Variants in ATXN7L1 observed in about 807,000 individuals in gnomAD.
The protein encoded by ATXN7L1 is ataxin 7 like 1, also known as ataxin-7-like protein 1.
A neutral mutation model predicts 70.8 loss-of-function variants in ATXN7L1; 15 were observed. The ratio of observed to expected loss-of-function variants is 0.21; its 90% CI spans 0.14 to 0.33. The LOEUF is 0.33. Among genes scored for constraint, ATXN7L1 ranks in the 10% least tolerant of loss-of-function variants. The pLI, the probability that ATXN7L1 is intolerant of heterozygous loss-of-function variation, is 1.00. For synonymous variants in ATXN7L1, 440 were observed against 445.1 expected (o/e 0.99, Z 0.14); for missense variants, 975 against 1,097.1 (o/e 0.89, Z 1.57).
chr7:105,740,768 C>CTTTTTTTTTT (rs1563055385), intron 3 of ATXN7L1, among the ~76,000 whole-genome samples: 3 of 98,306 alleles, frequency 3.1e-5, no homozygotes, highest in East Asian at 1.2e-3. Flanking sequence ...TGGCTCCATT[C>CTTTTTTTTTT]ATTTTTTTTT....
intron 2 of ATXN7L1, among the ~76,000 whole-genome samples, chr7:105,816,376 T>C (rs1346458939): frequency 6.6e-6 from 1 of 152,178 alleles, no homozygotes; most frequent in Non-Finnish European, 1.5e-5. Context: ...GCCTTGAAAC[T>C]GAAATTTTTA....
chr7:105,811,587 C>T (rs2116541281), intron 2 of ATXN7L1, among the ~76,000 whole-genome samples: 1 of 152,272 alleles, frequency 6.6e-6, no homozygotes, highest in South Asian at 2.1e-4. Context: ...AGGAGAAAAG[C>T]CCAGGCTGCT....
intron 3 of ATXN7L1, among the ~76,000 whole-genome samples, chr7:105,700,508 C>CA (rs1186998293): frequency 0.011 from 559 of 49,666 alleles, 12 homozygotes; most frequent in Middle Eastern, 0.027. Context: ...GACTCTGTCT[C>CA]AAAAAAAAAA....
At chr7:105,642,234 C>T (rs1180138211) in intron 5 of ATXN7L1, among the ~76,000 whole-genome samples, 1 of 152,210 alleles carries the variant, frequency 6.6e-6, no homozygotes, top group Non-Finnish European at 1.5e-5. Flanking sequence ...AAGGAGTAGA[C>T]CCACAAGAGA....
chr7:105,813,700 GT>G (rs577299544), intron 2 of ATXN7L1, among the ~76,000 whole-genome samples: 1 of 151,916 alleles, frequency 6.6e-6, no homozygotes, highest in Admixed American at 6.6e-5. Context: ...CTGAAATTAA[GT>G]TTTTTTTCCT....
intron 3 of ATXN7L1, among the ~76,000 whole-genome samples, chr7:105,709,941 T>C (rs1377798471): frequency 2.0e-5 from 3 of 152,104 alleles, no homozygotes; most frequent in Non-Finnish European, 4.4e-5. Flanking sequence ...GGTGCAATTA[T>C]AGTTCACTGC....
chr7:105,803,068 G>T (rs964444083), intron 2 of ATXN7L1, among the ~76,000 whole-genome samples: 1 of 152,226 alleles, frequency 6.6e-6, no homozygotes, highest in African/African-American at 2.4e-5. Flanking sequence ...GGTAAACTTA[G>T]ACTTTGTCCC....
At chr7:105,678,861 G>A (rs946971982) in intron 3 of ATXN7L1, among the ~76,000 whole-genome samples, 7 of 152,092 alleles carry the variant, frequency 4.6e-5, no homozygotes, top group African/African-American at 1.7e-4. Flanking sequence ...TACTCTCCCC[G>A]CTCCCCGCCT....
intron 3 of ATXN7L1, among the ~76,000 whole-genome samples, chr7:105,690,295 G>A (rs1790599566): frequency 6.6e-6 from 1 of 152,060 alleles, no homozygotes; most frequent in Admixed American, 6.5e-5. Context: ...ATGAGCCACC[G>A]CGCCCAGCAA....
chr7:105,818,125 A>C (rs1809471008), intron 2 of ATXN7L1, among the ~76,000 whole-genome samples: 1 of 152,230 alleles, frequency 6.6e-6, no homozygotes, highest in African/African-American at 2.4e-5. Context: ...CAGACTCTCA[A>C]TGTAACAAGC....
intron 3 of ATXN7L1, among the ~76,000 whole-genome samples, chr7:105,778,741 A>G (rs187108788): frequency 3.3e-4 from 50 of 152,308 alleles, no homozygotes; most frequent in Non-Finnish European, 5.9e-4. Flanking sequence ...GATAAACAAG[A>G]AACTACAGGT....
In ATXN7L1 at chr7:105,642,962, C is replaced by A; in HGVS notation, c.738G>T (p.Met246Ile). 1 of 1,551,734 alleles carries A rather than the reference C, an allele frequency of 6.4e-7. No individual in the cohort carries two copies. Among genetic ancestry groups the A allele is most frequent in the Non-Finnish European group, 8.7e-7 (1 of 1,147,018 alleles). Residue 246 changes from methionine to isoleucine, a missense_variant, in exon 5 of 12, where the codon ATG (methionine) becomes ATT (isoleucine). Transcript: ENST00000419735. ...STPPLIKPVL[M>I]SKSVPPSPEK... ...CTGGTGAAGGTGGCACTGACTTGGA[C>A]ATCAGGACAGGCTTAATTAAAGGAG...
At chr7:105,715,269 C>T (rs1301028309) in intron 3 of ATXN7L1, among the ~76,000 whole-genome samples, 2 of 152,212 alleles carry the variant, frequency 1.3e-5, no homozygotes, top group East Asian at 3.8e-4. Context: ...TTCTCTGAGC[C>T]TCACCTTCCT....
intron 2 of ATXN7L1, among the ~76,000 whole-genome samples, chr7:105,790,246 C>T (rs1193450707): frequency 2.6e-5 from 4 of 152,154 alleles, no homozygotes; most frequent in Admixed American, 2.6e-4. Context: ...AGTCACATAA[C>T]TCTGAGAACA....
At chr7:105,627,723 G>A (rs952240506) in intron 7 of ATXN7L1, among the ~76,000 whole-genome samples, 5 of 151,702 alleles carry the variant, frequency 3.3e-5, no homozygotes, top group Admixed American at 3.3e-4. Flanking sequence ...GTAGAGACGG[G>A]GTTTCACCAT....
Position 105,610,456 on chromosome 7 carries a change from C to T in ATXN7L1, c.2547+73G>A, listed in dbSNP as rs963289529. On this transcript the variant is annotated intron_variant, in intron 11 of 11. Coordinates refer to ENST00000419735, the MANE Select transcript of ATXN7L1 (RefSeq NM_020725.2). ...TGAGGTTTGAATCAGGGTCTGACCCCAGTGTCCAAACTCTTTCCACTCTGC... is the reference window on the plus strand; with the variant it reads ...TGAGGTTTGAATCAGGGTCTGACCCTAGTGTCCAAACTCTTTCCACTCTGC... 134 of 1,352,642 alleles carry T rather than the reference C, an allele frequency of 9.9e-5. 2 individuals carry two copies. The highest frequency in any genetic ancestry group is 1.2e-4 in the Non-Finnish European group (120 of 977,238). The allele number at this position is 1,352,642 out of a possible 1,614,324, so 83.8% of individuals were successfully genotyped here. A position where few individuals can be genotyped will look rare whatever the true frequency, so the allele number is the denominator to read the frequency against.
At chr7:105,623,966 A>G in intron 8 of ATXN7L1, 109 bp downstream of exon 8, 1 of 1,045,636 alleles carries the variant, frequency 9.6e-7, no homozygotes, top group Non-Finnish European at 1.2e-6. Flanking sequence ...TTTGTAAAAC[A>G]CTGCGCAGGC....
chr7:105,849,180 G>A (rs1354065169), intron 2 of ATXN7L1, among the ~76,000 whole-genome samples: 1 of 152,220 alleles, frequency 6.6e-6, no homozygotes, highest in African/African-American at 2.4e-5. Context: ...GAGAGGAGAT[G>A]GACAATCTCA....
chr7:105,652,996 T>G (rs1473498681), intron 4 of ATXN7L1, among the ~76,000 whole-genome samples: 1 of 152,136 alleles, frequency 6.6e-6, no homozygotes. Context: ...CTGAACCACC[T>G]CCATCCAGAA....
Sources: allele counts gnomAD v4.1 joint callset (sites outside exome capture counted in the v4.1 genomes callset), GRCh38; gene constraint gnomAD v4.1.1; transcripts MANE v1.5; gene names NCBI Gene and HGNC (gene_info 2026-07-23, HGNC 2026-07-21).